NWD1: variants seen among roughly 807,000 people sequenced by gnomAD.
The protein encoded by NWD1 is NACHT and WD repeat domain containing 1, also known as NACHT domain- and WD repeat-containing protein 1.
NWD1 carries 129 observed loss-of-function variants against 135.1 expected under a neutral mutation model. That is an observed-to-expected ratio of 0.96 (90% CI 0.83 to 1.11). The LOEUF is 1.11. Among genes scored for constraint, NWD1 ranks in the 50% least tolerant of loss-of-function variants. The pLI is 0.00. For missense variants in NWD1, 1,740 were observed against 1,851.3 expected, an observed-to-expected ratio of 0.94 and a Z score of 1.10; for synonymous variants, 773 against 786.0, an observed-to-expected ratio of 0.98 and a Z score of 0.28.
intron 1 of NWD1, among the ~76,000 whole-genome samples, chr19:16,723,841 G>A (rs1345565650): frequency 1.3e-5 from 2 of 152,018 alleles, no homozygotes; most frequent in South Asian, 2.1e-4. Context: ...GATTACAGAC[G>A]TGCACCGTCA....
In NWD1 at chr19:16,788,764, C is replaced by T. The variant is rs193083487; in HGVS notation, c.2732-218C>T. 1.6e-3 allele frequency among the ~76,000 whole-genome samples: 245 copies of T among 152,138 alleles called. 1 individual carries two copies. Among genetic ancestry groups the T allele is most frequent in the Non-Finnish European group, 2.7e-3 (187 of 68,000 alleles). On this transcript the variant is annotated intron_variant, in intron 12 of 18. Coordinates refer to ENST00000524140, the MANE Select transcript of NWD1 (RefSeq NM_001007525.5). ...TTTTTTCTGTTATTAGGCATACAAGCGTGAGAACTCTTTCTCCATAGCCTT... is the reference window on the plus strand; with the variant it reads ...TTTTTTCTGTTATTAGGCATACAAGTGTGAGAACTCTTTCTCCATAGCCTT...
At chr19:16,756,727 CGGT>C (rs1968813454) in intron 6 of NWD1, among the ~76,000 whole-genome samples, 1 of 152,124 alleles carries the variant, frequency 6.6e-6, no homozygotes, top group Non-Finnish European at 1.5e-5. Context: ...CCCCCAGTAC[CGGT>C]ACTGCTCCGT....
At chr19:16,730,148 C>A (rs991887571) in intron 2 of NWD1, among the ~76,000 whole-genome samples, 1 of 151,524 alleles carries the variant, frequency 6.6e-6, no homozygotes. Context: ...ATGATGAAAC[C>A]CCATCTCTAC....
chr19:16,776,773 TAA>T (rs554653148), intron 11 of NWD1, among the ~76,000 whole-genome samples: 141 of 66,458 alleles, frequency 2.1e-3, no homozygotes, highest in African/African-American at 6.3e-3. Context: ...TACAAAAAGT[TAA>T]AAAAAAAAAA....
intron 16 of NWD1, among the ~76,000 whole-genome samples, chr19:16,799,652 A>G (rs1970533050): frequency 6.6e-6 from 1 of 151,552 alleles, no homozygotes; most frequent in African/African-American, 2.4e-5. Flanking sequence ...GATTACAGGC[A>G]TGCACCACCA....
intron 15 of NWD1, among the ~76,000 whole-genome samples, chr19:16,796,553 G>A (rs181734320): frequency 1.3e-5 from 2 of 152,320 alleles, no homozygotes; most frequent in Admixed American, 6.5e-5. Context: ...CAAAGGTACA[G>A]TTTCACTGGG....
At chr19:16,751,960 G>GGAA (rs556577640) in intron 6 of NWD1, among the ~76,000 whole-genome samples, 3 of 149,530 alleles carry the variant, frequency 2.0e-5, no homozygotes, top group Non-Finnish European at 4.5e-5. Context: ...AAAGAAGAAG[G>GGAA]GAAGAAGAAG....
chr19:16,803,770 A>G (rs7257182), intron 17 of NWD1, among the ~76,000 whole-genome samples: 2 of 151,516 alleles, frequency 1.3e-5, no homozygotes, highest in African/African-American at 4.9e-5. Flanking sequence ...AAAAAAAAAA[A>G]AAAAATTATC....
intron 2 of NWD1, among the ~76,000 whole-genome samples, chr19:16,729,173 G>A (rs1967454304): frequency 6.6e-6 from 1 of 151,972 alleles, no homozygotes; most frequent in East Asian, 1.9e-4. Context: ...AGTGGCATAC[G>A]ATGTTACAAC....
chr19:16,807,294 G>T (rs1252811341), intron 17 of NWD1, among the ~76,000 whole-genome samples: 1 of 151,872 alleles, frequency 6.6e-6, no homozygotes, highest in Admixed American at 6.6e-5. Flanking sequence ...GGGAGTTAGA[G>T]ACCAGCCTGG....
chr19:16,794,077 T>C (rs1366099124), intron 14 of NWD1, among the ~76,000 whole-genome samples: 2 of 151,980 alleles, frequency 1.3e-5, no homozygotes, highest in Non-Finnish European at 2.9e-5. Flanking sequence ...TATTAAGAGA[T>C]GGAGTCAGCT....
intron 18 of NWD1, among the ~76,000 whole-genome samples, chr19:16,810,431 C>A (rs866653538): frequency 1.6e-5 from 2 of 125,320 alleles, no homozygotes; most frequent in Admixed American, 8.7e-5. Flanking sequence ...GAGTGAGACT[C>A]CATCTCAAAA....
chr19:16,731,064 C>G, intron 2 of NWD1, 128 bp from the exon 3 acceptor site: 2 of 564,648 alleles, frequency 3.5e-6, no homozygotes, highest in South Asian at 4.5e-5. Flanking sequence ...GGCAACATAG[C>G]GAGATCCCAT....
intron 17 of NWD1, among the ~76,000 whole-genome samples, chr19:16,803,276 A>G (rs1440224457): frequency 1.3e-5 from 2 of 152,152 alleles, no homozygotes; most frequent in African/African-American, 4.8e-5. Context: ...GTGGGGACAC[A>G]GCCAAACCAT....
intron 17 of NWD1, among the ~76,000 whole-genome samples, chr19:16,803,292 T>C (rs1970657078): frequency 6.6e-6 from 1 of 152,042 alleles, no homozygotes; most frequent in African/African-American, 2.4e-5. Context: ...ACCATCTCAG[T>C]TACCCAGCCT....
intron 13 of NWD1, among the ~76,000 whole-genome samples, chr19:16,790,590 C>T (rs1178201513): frequency 6.6e-6 from 1 of 150,546 alleles, no homozygotes; most frequent in Non-Finnish European, 1.5e-5. Flanking sequence ...ATGTAACAAA[C>T]CTGCACGTTC....
chr19:16,740,629 C>A (rs1182574790), intron 4 of NWD1, among the ~76,000 whole-genome samples: 2 of 149,826 alleles, frequency 1.3e-5, no homozygotes, highest in Admixed American at 6.7e-5. Context: ...TGAGCCACTG[C>A]GCCCAGACTT....
intron 6 of NWD1, among the ~76,000 whole-genome samples, chr19:16,754,951 G>A (rs996307512): frequency 1.3e-5 from 2 of 151,828 alleles, no homozygotes; most frequent in Admixed American, 6.6e-5. Flanking sequence ...ATGTCCCATC[G>A]ATAAATATGT....
intron 18 of NWD1, among the ~76,000 whole-genome samples, chr19:16,813,279 C>G (rs775846081): frequency 4.6e-5 from 7 of 152,050 alleles, no homozygotes; most frequent in Non-Finnish European, 8.8e-5. Flanking sequence ...AGCATAGAAC[C>G]CTGAGGAGCC....
Sources: gnomAD v4.1 joint callset for allele counts (sites outside exome capture counted in the v4.1 genomes callset) on GRCh38, gnomAD v4.1.1 for gene constraint, MANE v1.5 for transcripts, NCBI Gene and HGNC (gene_info 2026-07-23, HGNC 2026-07-21) for gene names.